NHSL2: variants seen among roughly 807,000 people sequenced by gnomAD.
NHSL2 encodes NHS like 2.
Under a neutral mutation model 53.4 loss-of-function variants are expected in NHSL2, and 27 were observed. The ratio of observed to expected loss-of-function variants is 0.51; its 90% confidence interval spans 0.37 to 0.70. NHSL2 has a LOEUF of 0.70. Among genes scored for constraint, NHSL2 ranks in the 30% least tolerant of loss-of-function variants. NHSL2 has a pLI of 0.00. For synonymous variants in NHSL2, 408 were observed against 404.1 expected (o/e 1.01, Z -0.12); for missense variants, 892 against 980.1 (o/e 0.91, Z 1.20).
At chrX:71,965,918 A>G (rs1158914929) in intron 1 of NHSL2, 2 of 112,674 alleles carry the variant, frequency 1.8e-5, no homozygotes, top group Non-Finnish European at 3.8e-5. Context: ...GACATACAAA[A>G]AGCTGTGCAT....
chrX:71,918,160 A>G (rs2041638131), intron 1 of NHSL2, among the ~76,000 whole-genome samples: 1 of 111,456 alleles, frequency 9.0e-6, no homozygotes. Flanking sequence ...AGAAAGAGAG[A>G]GAAAGCAAGA....
chrX:72,108,103 G>A (rs2042061053), intron 1 of NHSL2, among the ~76,000 whole-genome samples: 1 of 111,802 alleles, frequency 8.9e-6, no homozygotes, highest in African/African-American at 3.3e-5. Flanking sequence ...AGTGGGAGAA[G>A]GAACAGATTT....
chrX:72,126,898 T>C (rs1602388709), intron 1 of NHSL2, among the ~76,000 whole-genome samples: 2 of 112,254 alleles, frequency 1.8e-5, no homozygotes, highest in Middle Eastern at 4.6e-3. Flanking sequence ...TTTTTCAAGA[T>C]GCCCAGTGCT....
chrX:72,021,289 A>G (rs186440006), intron 1 of NHSL2, among the ~76,000 whole-genome samples: 8 of 111,521 alleles, frequency 7.2e-5, no homozygotes, highest in African/African-American at 2.0e-4. Context: ...CTATTTTCTT[A>G]TTGCTTCTAT....
intron 1 of NHSL2, among the ~76,000 whole-genome samples, chrX:71,960,783 TGTA>T (rs1229120560): frequency 8.9e-6 from 1 of 112,478 alleles, no homozygotes; most frequent in Non-Finnish European, 1.9e-5. Flanking sequence ...ACTGTAGCTT[TGTA>T]GTATAACTAG....
intron 1 of NHSL2, among the ~76,000 whole-genome samples, chrX:72,037,211 A>T (rs1315457188): frequency 8.9e-6 from 1 of 111,885 alleles, no homozygotes; most frequent in Non-Finnish European, 1.9e-5. Flanking sequence ...CAAGGTCAGG[A>T]AATCAAGACC....
intron 1 of NHSL2, among the ~76,000 whole-genome samples, chrX:72,080,847 C>G (rs761008141): frequency 8.9e-6 from 1 of 111,741 alleles, no homozygotes; most frequent in South Asian, 3.8e-4. Context: ...ACCAAGGGAC[C>G]AAGAGCTTTC....
At chrX:72,070,397 T>TC (rs1379480486) in intron 1 of NHSL2, among the ~76,000 whole-genome samples, 1 of 111,006 alleles carries the variant, frequency 9.0e-6, no homozygotes, top group Non-Finnish European at 1.9e-5. Context: ...CTTTGCCCCT[T>TC]CCTTGCCCCT....
At chrX:71,936,107 T>A (rs1051138626) in intron 1 of NHSL2, among the ~76,000 whole-genome samples, 3 of 112,105 alleles carry the variant, frequency 2.7e-5, no homozygotes, top group Non-Finnish European at 3.8e-5. Context: ...AAGATGGAGC[T>A]GCAGAGAGAG....
At chrX:71,911,780 T>A (rs1487927559) in intron 1 of NHSL2, among the ~76,000 whole-genome samples, 1 of 112,874 alleles carries the variant, frequency 8.9e-6, no homozygotes, top group Non-Finnish European at 1.9e-5. Context: ...GCTTCTTTGC[T>A]CCTGTCTAGG....
chrX:72,083,566 T>C (rs754827021), intron 1 of NHSL2, among the ~76,000 whole-genome samples: 15 of 112,341 alleles, frequency 1.3e-4, no homozygotes, highest in Non-Finnish European at 2.4e-4. Context: ...AGAATTTAAT[T>C]ACTCTCTTCT....
intron 1 of NHSL2, among the ~76,000 whole-genome samples, chrX:72,023,277 G>A (rs1437252676): frequency 8.9e-6 from 1 of 112,544 alleles, no homozygotes; most frequent in East Asian, 2.8e-4. Context: ...AAATGGTTGG[G>A]GAACAGGCAG....
chrX:71,986,583 A>T (rs1291009393), intron 1 of NHSL2, among the ~76,000 whole-genome samples: 1 of 112,590 alleles, frequency 8.9e-6, no homozygotes, highest in Non-Finnish European at 1.9e-5. Context: ...ACCAAATTTC[A>T]TATTTGCATT....
rs1262047935 is a variant in NHSL2 at position 72,147,299 on chromosome X, C to T, written c.*3725C>T. The T allele has an allele frequency of 1.8e-5, 2 of 111,975 alleles. No homozygotes were observed. Among genetic ancestry groups the T allele is most frequent in the African/African-American group, 6.5e-5 (2 of 30,749 alleles). 9.2% of individuals were successfully genotyped at this position (111,975 alleles called of 1,213,427 possible). ...CAGGACTAGGGTGAGGTGAGCGAGG[C>T]ACCTAGGGCGTAAAATTCAAAGAGG... On this transcript the variant is annotated 3_prime_UTR_variant, in exon 8 of 8. Transcript: ENST00000633930.
chrX:72,023,458 A>C (rs1368728827), intron 1 of NHSL2, among the ~76,000 whole-genome samples: 1 of 112,776 alleles, frequency 8.9e-6, no homozygotes, highest in African/African-American at 3.2e-5. Flanking sequence ...TGAAAACAAT[A>C]TTTCCAGTTG....
At chrX:72,132,512 TCACCGAGAGCTGGGTGGGAGACTCC>T (rs1405841847) in intron 2 of NHSL2, among the ~76,000 whole-genome samples, 4 of 108,970 alleles carry the variant, frequency 3.7e-5, no homozygotes, top group Non-Finnish European at 5.7e-5. Flanking sequence ...GTTATGCCAT[TCACCGAGAGCTGGGTGGGAGACTCC>T]CACAATGTGG....
intron 1 of NHSL2, among the ~76,000 whole-genome samples, chrX:72,059,965 C>T (rs752662163): frequency 8.1e-5 from 9 of 111,658 alleles, no homozygotes; most frequent in Non-Finnish European, 1.5e-4. Context: ...TACTGAGGGG[C>T]GGCTTGGTGA....
intron 7 of NHSL2, 111 bp downstream of exon 7, chrX:72,142,475 T>A: frequency 1.5e-6 from 1 of 646,716 alleles, no homozygotes; most frequent in Non-Finnish European, 2.2e-6. Context: ...AGAAAAAAAT[T>A]AAAAATAAGA....
At chrX:71,994,372 C>T (rs781019441) in intron 1 of NHSL2, among the ~76,000 whole-genome samples, 3 of 105,093 alleles carry the variant, frequency 2.9e-5, no homozygotes, top group Admixed American at 2.1e-4. Flanking sequence ...GGAGATGGCT[C>T]AGCCAGGTGC....
Sources: gnomAD v4.1 joint callset for allele counts (sites outside exome capture counted in the v4.1 genomes callset) on GRCh38, gnomAD v4.1.1 for gene constraint, MANE v1.5 for transcripts, NCBI Gene and HGNC (gene_info 2026-07-23, HGNC 2026-07-21) for gene names.